The following CNBD1 variants were observed in gnomAD, a reference collection of about 807,000 sequenced individuals.
CNBD1 encodes the protein cyclic nucleotide binding domain containing 1, also known as cyclic nucleotide-binding domain-containing protein 1.
Under a neutral mutation model 54.4 loss-of-function variants are expected in CNBD1, and 71 were observed. The observed-to-expected ratio is 1.30, with a 90% CI of 1.08 to 1.59. The LOEUF is 1.59. CNBD1 is among the 40% of genes most tolerant of loss of function. CNBD1 has a pLI of 0.00. For missense variants in CNBD1, 659 were observed against 518.0 expected (o/e 1.27, Z -2.64); for synonymous variants, 182 against 170.7 (o/e 1.07, Z -0.51).
At chr8:87,393,575 C>T (rs1445718950) in intron 2 of CNBD1, among the ~76,000 whole-genome samples, 1 of 151,674 alleles carries the variant, frequency 6.6e-6, no homozygotes, top group Non-Finnish European at 1.5e-5. Context: ...ATGGTTTGGA[C>T]ACAATAATAG....
In CNBD1 at chr8:87,322,309, G is replaced by A. The variant is rs1809554887; in HGVS notation, c.1043-29376G>A. Among the ~76,000 whole-genome samples the A allele has an allele frequency of 7.4e-5, 9 of 121,878 alleles. No individual in the cohort carries two copies. In the South Asian group the frequency reaches 2.1e-3, roughly 29 times the overall value. 80.0% of individuals were successfully genotyped at this position (121,878 alleles called of 152,430 possible). On this transcript the variant is annotated intron_variant, in intron 8 of 10. Coordinates refer to ENST00000518476, the MANE Select transcript of CNBD1 (RefSeq NM_173538.3). ...AGCAGCATGATTTATAGTCATTTGG[G>A]TATATACCCAGTAATGGGATGGCTG...
chr8:87,422,980 G>C (rs1352165805), intron 2 of CNBD1, among the ~76,000 whole-genome samples: 1 of 151,752 alleles, frequency 6.6e-6, no homozygotes, highest in Admixed American at 6.6e-5. Context: ...TCCTTGAAGA[G>C]GTCCTTCACA....
chr8:87,172,413 ATCTT>A (rs1813107682), intron 4 of CNBD1, among the ~76,000 whole-genome samples: 1 of 151,988 alleles, frequency 6.6e-6, no homozygotes. Flanking sequence ...ACTAAACCCG[ATCTT>A]TCTTTGTTGA....
chr8:87,037,314 T>C (rs1809970646), intron 4 of CNBD1, among the ~76,000 whole-genome samples: 1 of 152,184 alleles, frequency 6.6e-6, no homozygotes, highest in African/African-American at 2.4e-5. Context: ...GATATACTTC[T>C]ATATAAACTT....
chr8:87,196,548 G>T (rs578118850), intron 4 of CNBD1, among the ~76,000 whole-genome samples: 11 of 152,316 alleles, frequency 7.2e-5, no homozygotes, highest in Non-Finnish European at 1.3e-4. Context: ...TTGCCTGAGA[G>T]TGAAAAGTCA....
At chr8:87,417,165 T>A (rs1410802238) in intron 2 of CNBD1, among the ~76,000 whole-genome samples, 2 of 151,930 alleles carry the variant, frequency 1.3e-5, no homozygotes, top group Admixed American at 1.3e-4. Context: ...TGGGGAGGCC[T>A]CATAATCAAG....
chr8:87,420,042 G>C (rs2130992006), intron 2 of CNBD1, among the ~76,000 whole-genome samples: 1 of 151,228 alleles, frequency 6.6e-6, no homozygotes, highest in East Asian at 1.9e-4. Context: ...TAATGACCAA[G>C]TTTGATTTAT....
At chr8:87,108,781 G>T (rs1015207317) in intron 4 of CNBD1, among the ~76,000 whole-genome samples, 4 of 152,042 alleles carry the variant, frequency 2.6e-5, no homozygotes, top group African/African-American at 9.7e-5. Context: ...TGATAATAAT[G>T]GCTTTCTTGT....
chr8:87,324,535 A>G (rs1809625897), intron 8 of CNBD1, among the ~76,000 whole-genome samples: 1 of 144,334 alleles, frequency 6.9e-6, no homozygotes, highest in Non-Finnish European at 1.5e-5. Context: ...GTCTTGGGAG[A>G]GTGTATGTGT....
At chr8:87,266,438 CTTTTTTTTTT>C (rs72293236) in intron 6 of CNBD1, among the ~76,000 whole-genome samples, 153 of 50,130 alleles carry the variant, frequency 3.1e-3, no homozygotes, top group South Asian at 7.0e-3. Context: ...AAAAAAAAAT[CTTTTTTTTTT>C]TTTTTTTTTT....
intron 4 of CNBD1, among the ~76,000 whole-genome samples, chr8:87,132,220 A>G (rs971660534): frequency 6.6e-6 from 1 of 151,886 alleles, no homozygotes; most frequent in Non-Finnish European, 1.5e-5. Context: ...AACAATATAT[A>G]ATACATATAA....
intron 4 of CNBD1, among the ~76,000 whole-genome samples, chr8:87,040,393 C>CT (rs1810039621): frequency 1.4e-5 from 2 of 146,378 alleles, no homozygotes; most frequent in Non-Finnish European, 3.0e-5. Context: ...AATGCATTTA[C>CT]TTTGTGCTTT....
rs199902989 is a variant in CNBD1 at position 87,180,216 on chromosome 8, G to A, written c.432-25777G>A. Among the ~76,000 whole-genome samples the A allele has an allele frequency of 3.9e-5, 6 of 152,032 alleles. No homozygotes were observed. The East Asian group carries it at 9.6e-4, about 24-fold the overall frequency. On this transcript the variant is annotated intron_variant, in intron 4 of 10. Transcript: ENST00000518476. ...CTGCAAATATTAGAAAAGTTAGTGT[G>A]GAGAAAAACTGAAACTATTCATTAT...
At chr8:87,271,853 C>G (rs151010931) in intron 6 of CNBD1, among the ~76,000 whole-genome samples, 1 of 151,262 alleles carries the variant, frequency 6.6e-6, no homozygotes, top group African/African-American at 2.5e-5. Flanking sequence ...ACAGAAGCAA[C>G]CTAAGTGTCC....
At chr8:87,154,016 G>T (rs1034591701) in intron 4 of CNBD1, among the ~76,000 whole-genome samples, 2 of 152,144 alleles carry the variant, frequency 1.3e-5, no homozygotes, top group Non-Finnish European at 2.9e-5. Flanking sequence ...GTTGAGACGA[G>T]TGGAGAGCCA....
chr8:87,213,401 C>T (rs1037099877), intron 5 of CNBD1, among the ~76,000 whole-genome samples: 1 of 152,156 alleles, frequency 6.6e-6, no homozygotes, highest in Non-Finnish European at 1.5e-5. Context: ...GTTTAATGGA[C>T]TCACAGTTCC....
intron 4 of CNBD1, among the ~76,000 whole-genome samples, chr8:87,054,783 A>G (rs1015973023): frequency 4.6e-5 from 7 of 152,196 alleles, no homozygotes; most frequent in African/African-American, 1.4e-4. Flanking sequence ...TTCCAGCCCC[A>G]TGCAATGGCT....
chr8:87,251,629 C>T (rs1463340985), intron 6 of CNBD1, among the ~76,000 whole-genome samples: 1 of 150,554 alleles, frequency 6.6e-6, no homozygotes, highest in Non-Finnish European at 1.5e-5. Context: ...ATTGGATTGA[C>T]TACTTTTGTC....
intron 6 of CNBD1, among the ~76,000 whole-genome samples, chr8:87,279,684 G>A (rs1808556446): frequency 6.6e-6 from 1 of 151,012 alleles, no homozygotes; most frequent in Admixed American, 6.6e-5. Context: ...AAATATACAA[G>A]TAAATATGCT....
Sources: allele counts gnomAD v4.1 joint callset (sites outside exome capture counted in the v4.1 genomes callset), GRCh38; gene constraint gnomAD v4.1.1; transcripts MANE v1.5; gene names NCBI Gene and HGNC (gene_info 2026-07-23, HGNC 2026-07-21).